The following LAMA2 variants were observed in gnomAD, a reference collection of about 807,000 sequenced individuals.
The protein encoded by LAMA2 is laminin subunit alpha 2.
In LAMA2, 269 loss-of-function variants were observed where a neutral mutation model predicts 364.8. That is an observed-to-expected ratio of 0.74 (90% CI 0.67 to 0.82). The LOEUF is 0.82. LAMA2 is among the 40% of genes least tolerant of loss of function. The pLI, the probability that LAMA2 is intolerant of heterozygous loss-of-function variation, is 0.00. For missense variants in LAMA2, 3,807 were observed against 3,873.2 expected, an observed-to-expected ratio of 0.98 and a Z score of 0.45; for synonymous variants, 1,379 against 1,370.6, an observed-to-expected ratio of 1.01 and a Z score of -0.14.
At position 129,438,680 on chromosome 6, in the gene LAMA2, G is replaced by A; in HGVS notation, c.6003G>A (p.Arg2001=). 6.2e-7 allele frequency: 1 copy of A among 1,608,136 alleles called. No homozygotes were observed. Among genetic ancestry groups the A allele is most frequent in the South Asian group, 1.1e-5 (1 of 90,954 alleles). Residue 2001 remains arginine (R), a synonymous_variant, in exon 42 of 65, where the codon AGG becomes AGA. Coordinates refer to ENST00000421865, the MANE Select transcript of LAMA2 (RefSeq NM_000426.4). ...NEDHLNGLKT[R]IENADARNGD... is the part of the protein sequence containing the mutation. Reference sequence around the variant, plus strand: ...ACCATCTAAATGGCTTAAAAACCAGGATAGAAAATGCTGATGCTAGAAATG... The same window carrying A: ...ACCATCTAAATGGCTTAAAAACCAGAATAGAAAATGCTGATGCTAGAAATG...
intron 22 of LAMA2, among the ~76,000 whole-genome samples, chr6:129,307,942 G>A (rs1380372025): frequency 6.6e-6 from 1 of 152,202 alleles, no homozygotes; most frequent in Non-Finnish European, 1.5e-5. Flanking sequence ...GTACCCTATA[G>A]AGATGTAAAC....
chr6:129,467,682 C>T (rs1239450814), intron 51 of LAMA2, among the ~76,000 whole-genome samples: 1 of 151,832 alleles, frequency 6.6e-6, no homozygotes, highest in Non-Finnish European at 1.5e-5. Context: ...CTTGGAAACG[C>T]TAATTTCCAT....
intron 1 of LAMA2, among the ~76,000 whole-genome samples, chr6:128,968,167 G>A (rs566819598): frequency 6.6e-6 from 1 of 152,140 alleles, no homozygotes; most frequent in Non-Finnish European, 1.5e-5. Flanking sequence ...TATTTTGTGA[G>A]GTCTTTATAA....
intron 40 of LAMA2, among the ~76,000 whole-genome samples, chr6:129,410,714 T>TAGA (rs1780493328): frequency 1.3e-5 from 2 of 150,298 alleles, no homozygotes; most frequent in African/African-American, 2.5e-5. Context: ...GATAGACAGA[T>TAGA]TAGATAGATA....
At chr6:129,361,278 C>T (rs559827604) in intron 32 of LAMA2, among the ~76,000 whole-genome samples, 1 of 152,264 alleles carries the variant, frequency 6.6e-6, no homozygotes, top group South Asian at 2.1e-4. Flanking sequence ...CTTCATAATT[C>T]CTAATAAAAT....
chr6:129,262,289 G>A (rs1007995704), intron 15 of LAMA2, among the ~76,000 whole-genome samples: 2 of 152,004 alleles, frequency 1.3e-5, no homozygotes, highest in Non-Finnish European at 2.9e-5. Flanking sequence ...TCTGTTTAGG[G>A]AGACAATAAA....
intron 1 of LAMA2, among the ~76,000 whole-genome samples, chr6:128,920,402 C>T (rs536848080): frequency 2.6e-5 from 4 of 152,036 alleles, no homozygotes; most frequent in Admixed American, 6.5e-5. Context: ...GCAATTCGCC[C>T]GCCTCAGGCT....
chr6:129,401,115 G>A (rs929598764), intron 37 of LAMA2, 109 bp from the exon 38 acceptor site: 6 of 798,336 alleles, frequency 7.5e-6, no homozygotes, highest in African/African-American at 6.8e-5. Flanking sequence ...TCAACATGAT[G>A]TACCTTTTTT....
chr6:129,202,495 G>A (rs1458132034), intron 12 of LAMA2, among the ~76,000 whole-genome samples: 1 of 152,056 alleles, frequency 6.6e-6, no homozygotes, highest in Non-Finnish European at 1.5e-5. Flanking sequence ...TACCACCTTG[G>A]AAGCAGAGAG....
chr6:129,225,325 C>G (rs1402311336), intron 12 of LAMA2, among the ~76,000 whole-genome samples: 1 of 152,126 alleles, frequency 6.6e-6, no homozygotes, highest in Non-Finnish European at 1.5e-5. Flanking sequence ...TTTTGTGACT[C>G]TATCTCCTTC....
chr6:129,216,324 G>A (rs888637884), intron 12 of LAMA2, among the ~76,000 whole-genome samples: 1 of 152,136 alleles, frequency 6.6e-6, no homozygotes, highest in Admixed American at 6.5e-5. Flanking sequence ...GCTGCCTAGA[G>A]CATAGTCTGG....
intron 1 of LAMA2, among the ~76,000 whole-genome samples, chr6:129,037,155 A>G (rs1051617444): frequency 1.1e-4 from 17 of 152,200 alleles, no homozygotes; most frequent in Admixed American, 8.5e-4. Flanking sequence ...CTCTGCTTGC[A>G]TGAATATTTT....
At chr6:129,263,020 C>T (rs1256933592) in intron 15 of LAMA2, among the ~76,000 whole-genome samples, 1 of 152,126 alleles carries the variant, frequency 6.6e-6, no homozygotes, top group Non-Finnish European at 1.5e-5. Flanking sequence ...TTTCATAGTG[C>T]TGTCATCATA....
chr6:129,275,738 A>G (rs1788273055), intron 17 of LAMA2, among the ~76,000 whole-genome samples: 1 of 151,236 alleles, frequency 6.6e-6, no homozygotes, highest in Admixed American at 6.6e-5. Flanking sequence ...AAAAAAAAAA[A>G]AGGCAAAGTT....
At position 129,291,691 on chromosome 6, in the gene LAMA2, GT is replaced by G. The variant is rs777929370; in HGVS notation, c.2829del (p.Gln944ArgfsTer131). On this transcript the variant is annotated frameshift_variant, in exon 20 of 65. Coordinates refer to ENST00000421865, the MANE Select transcript of LAMA2 (RefSeq NM_000426.4). LOFTEE classifies it high-confidence loss of function. ...QTGQCECRAN[V>X]QGQRCDKCKA... ...TGGACAGTGTGAGTGCAGAGCCAAC[GT>G]TCAGGGTCAGAGATGTGACAAATGC... 1 of 1,613,902 alleles carries G rather than the reference GT, an allele frequency of 6.2e-7. No individual in the cohort carries two copies. Among genetic ancestry groups the G allele is most frequent in the South Asian group, 1.1e-5 (1 of 91,078 alleles).
At chr6:129,161,436 C>T (rs1440707532) in intron 8 of LAMA2, among the ~76,000 whole-genome samples, 9 of 151,982 alleles carry the variant, frequency 5.9e-5, no homozygotes, top group Non-Finnish European at 1.0e-4. Flanking sequence ...CCCATTCTTC[C>T]TTTTCTGTCT....
chr6:128,946,416 C>T (rs987827119), intron 1 of LAMA2, among the ~76,000 whole-genome samples: 17 of 152,190 alleles, frequency 1.1e-4, no homozygotes, highest in African/African-American at 4.1e-4. Flanking sequence ...ATGTGGTGGA[C>T]TGGGATCCTC....
At chr6:129,154,451 T>C in intron 7 of LAMA2, 54 bp from the exon 8 acceptor site, 1 of 1,480,570 alleles carries the variant, frequency 6.8e-7, no homozygotes, top group Non-Finnish European at 9.4e-7. Context: ...AAATGATTTT[T>C]AAATGTATCT....
chr6:129,435,895 T>A (rs1461340644), intron 41 of LAMA2, among the ~76,000 whole-genome samples: 2 of 152,172 alleles, frequency 1.3e-5, no homozygotes, highest in African/African-American at 2.4e-5. Flanking sequence ...GCCCATGGCC[T>A]GCACAGTTCC....
Sources: gnomAD v4.1 joint callset for allele counts (sites outside exome capture counted in the v4.1 genomes callset) on GRCh38, gnomAD v4.1.1 for gene constraint, MANE v1.5 for transcripts, NCBI Gene and HGNC (gene_info 2026-07-23, HGNC 2026-07-21) for gene names.